Variants in ME2 observed in about 807,000 individuals in gnomAD.
ME2 encodes the protein NAD-dependent malic enzyme, mitochondrial.
A neutral mutation model predicts 73.7 loss-of-function variants in ME2; 60 were observed. The ratio of observed to expected loss-of-function variants is 0.81; its 90% confidence interval spans 0.66 to 1.01. The LOEUF (loss-of-function observed/expected upper bound fraction) is 1.01, where lower values mean the gene tolerates loss of function less well. Ranked by LOEUF, ME2 falls within the 50% of genes least tolerant of loss-of-function variation. ME2 has a pLI of 0.00. For missense variants in ME2, 594 were observed against 705.5 expected (o/e 0.84, Z 1.79); for synonymous variants, 199 against 236.9 (o/e 0.84, Z 1.47).
intron 2 of ME2, among the ~76,000 whole-genome samples, chr18:50,907,847 C>A (rs983604533): frequency 6.6e-6 from 1 of 152,142 alleles, no homozygotes; most frequent in Non-Finnish European, 1.5e-5. Flanking sequence ...CTTCCAAAGG[C>A]CTAAACTAGT....
At chr18:50,881,284 C>T (rs1280796528) in intron 1 of ME2, among the ~76,000 whole-genome samples, 1 of 151,986 alleles carries the variant, frequency 6.6e-6, no homozygotes, top group East Asian at 1.9e-4. Context: ...TGCTCCACCT[C>T]CTTCGGCCTC....
At chr18:50,940,188 T>C in intron 14 of ME2, 100 bp from the exon 15 acceptor site, 1 of 779,748 alleles carries the variant, frequency 1.3e-6, no homozygotes, top group Non-Finnish European at 2.2e-6. Flanking sequence ...GGAATTATAT[T>C]ACCTGTTTTA....
rs949717021 is a variant in ME2, at chr18:50,954,225, T to C, written c.*7041T>C. On this transcript the variant is annotated 3_prime_UTR_variant, in exon 16 of 16. Coordinates refer to ENST00000321341, the MANE Select transcript of ME2 (RefSeq NM_002396.5). The stretch of plus-strand genomic sequence containing the variant: ...TGTTGTAATGAGATGTGTGTTCTTA[T>C]ATTTTCTTAGTAAAATTTTCTTAAG... The C allele has an allele frequency of 3.9e-5, 6 of 152,260 alleles. No homozygotes were observed. The allele number at this position is 152,260 out of a possible 1,614,324, so 9.4% of individuals were successfully genotyped here. A position where few individuals can be genotyped will look rare whatever the true frequency, so the allele number is the denominator to read the frequency against.
At chr18:50,917,001 T>G (rs1917300877) in intron 5 of ME2, 1 of 167,798 alleles carries the variant, frequency 6.0e-6, no homozygotes, top group Non-Finnish European at 1.3e-5. Context: ...TGCTGTTTAT[T>G]TCTAAACTCT....
chr18:50,942,292 C>T (rs1337199756), intron 15 of ME2, among the ~76,000 whole-genome samples: 1 of 152,086 alleles, frequency 6.6e-6, no homozygotes, highest in Non-Finnish European at 1.5e-5. Context: ...TGAATCTGTT[C>T]CTGGGATTTC....
At chr18:50,918,605 G>A (rs190072697) in intron 7 of ME2, among the ~76,000 whole-genome samples, 36 of 151,944 alleles carry the variant, frequency 2.4e-4, no homozygotes, top group African/African-American at 3.9e-4. Context: ...TCTTTGCACC[G>A]TCAACTCAGG....
In ME2 at chr18:50,895,792, T is replaced by G. The variant is rs1389100530; in HGVS notation, c.-12-17T>G. 4 of 1,522,802 alleles carry G rather than the reference T, an allele frequency of 2.6e-6. No individual in the cohort carries two copies. The highest frequency in any genetic ancestry group is 3.6e-6 in the Non-Finnish European group (4 of 1,100,106). The allele number at this position is 1,522,802 out of a possible 1,614,324, so 94.3% of individuals were successfully genotyped here. A position where few individuals can be genotyped will look rare whatever the true frequency, so the allele number is the denominator to read the frequency against. ...ATATGATTCTCTTCAGTGGTTTATT[T>G]GCTTTGTTTTTCTCAGGTGAAAGAA... On this transcript the variant is annotated splice_polypyrimidine_tract_variant and intron_variant, in intron 1 of 15. Transcript: ENST00000321341.
Position 50,917,459 on chromosome 18 carries a change from G to T in ME2, c.581G>T (p.Arg194Leu). 2.5e-6 allele frequency: 4 copies of T among 1,613,156 alleles called. No homozygotes were observed. Among genetic ancestry groups the T allele is most frequent in the Non-Finnish European group, 3.4e-6 (4 of 1,179,334 alleles). The change falls in exon 6 of 16, where the codon CGG becomes CTG. Residue 194 changes from arginine (R) to leucine (L), a missense_variant. Physicochemically the swap from Arg to Leu is moderately radical, Grantham distance 102. Transcript: ENST00000321341. Reference sequence around the variant, plus strand: ...TTGTATACAGCTTGTGCAGGAATACGGCCTGATAGATGCCTGCCAGTGTGT... The same window carrying T: ...TTGTATACAGCTTGTGCAGGAATACTGCCTGATAGATGCCTGCCAGTGTGT... Reference protein sequence around the residue: ...LCLYTACAGIRPDRCLPVCID... With the variant: ...LCLYTACAGILPDRCLPVCID...
intron 12 of ME2, among the ~76,000 whole-genome samples, chr18:50,926,599 T>C (rs1346669708): frequency 2.6e-5 from 4 of 152,222 alleles, no homozygotes; most frequent in Non-Finnish European, 5.9e-5. Context: ...ATCTCTACTT[T>C]GGCCACATTG....
chr18:50,882,574 T>C (rs916523810), intron 1 of ME2, among the ~76,000 whole-genome samples: 2 of 152,128 alleles, frequency 1.3e-5, no homozygotes. Flanking sequence ...AGTAAAAAAC[T>C]GTTATGTGTG....
intron 15 of ME2, among the ~76,000 whole-genome samples, chr18:50,942,253 G>A (rs887444420): frequency 5.3e-5 from 8 of 152,102 alleles, no homozygotes; most frequent in Non-Finnish European, 7.4e-5. Context: ...ATTGATTAAT[G>A]CGTCCGTTGT....
rs1176723130 is a variant in ME2, at chr18:50,917,368, G to T, written c.490G>T (p.Glu164Ter). The change falls in exon 6 of 16, where the codon GAG becomes TAG. Residue 164 changes from glutamate (E) to a stop codon, truncating the protein, a stop_gained. Transcript: ENST00000321341. LOFTEE classifies it high-confidence loss of function. ...HVKAVVVTDG[E>*]RILGLGDLGV... ...TAAGGCTGTTGTAGTGACTGATGGA[G>T]AGAGAATTCTGGGTCTTGGAGATCT... 4 of 1,613,510 alleles carry T rather than the reference G, an allele frequency of 2.5e-6. No homozygotes were observed. Among genetic ancestry groups the T allele is most frequent in the Non-Finnish European group, 3.4e-6 (4 of 1,179,656 alleles).
In ME2 at chr18:50,894,893, T is replaced by A. The variant is rs975542218; in HGVS notation, c.-12-916T>A. On this transcript the variant is annotated intron_variant, in intron 1 of 15. Coordinates refer to ENST00000321341, the MANE Select transcript of ME2 (RefSeq NM_002396.5). ...CTCCATCTCAAAAAAAAAAAAAAAA[T>A]TTTTTTGAAATGCCTCTGAATTGTT... Among the ~76,000 whole-genome samples, 387 of 148,302 alleles carry A rather than the reference T, an allele frequency of 2.6e-3. 5 individuals are homozygous for A. The highest frequency in any genetic ancestry group is 3.5e-3 in the Non-Finnish European group (238 of 67,132).
At chr18:50,921,569 T>C (rs1434903599) in intron 10 of ME2, among the ~76,000 whole-genome samples, 3 of 152,172 alleles carry the variant, frequency 2.0e-5, no homozygotes, top group Non-Finnish European at 2.9e-5. Flanking sequence ...GAAATTCTTT[T>C]AATTTTATTA....
At position 50,952,815 on chromosome 18, in the gene ME2, T is replaced by C. The variant is rs1044964653; in HGVS notation, c.*5631T>C. 2 of 152,220 alleles carry C rather than the reference T, an allele frequency of 1.3e-5. No homozygotes were observed. Among genetic ancestry groups the C allele is most frequent in the South Asian group, 4.1e-4 (2 of 4,836 alleles). The allele number at this position is 152,220 out of a possible 1,614,324, so 9.4% of individuals were successfully genotyped here. On this transcript the variant is annotated 3_prime_UTR_variant, in exon 16 of 16. Coordinates refer to ENST00000321341, the MANE Select transcript of ME2 (RefSeq NM_002396.5). ...TTTGGTATATACAGTGGGCCGATAA[T>C]GACAAACTAAAGTTTGTGGTTAATA...
chr18:50,915,084 C>A (rs573604517), intron 4 of ME2, among the ~76,000 whole-genome samples: 1 of 148,230 alleles, frequency 6.7e-6, no homozygotes, highest in East Asian at 2.0e-4. Flanking sequence ...GACAGGAAGA[C>A]CAACCCCTCC....
chr18:50,900,737 T>C (rs1916869717), intron 2 of ME2, among the ~76,000 whole-genome samples: 1 of 152,154 alleles, frequency 6.6e-6, no homozygotes, highest in African/African-American at 2.4e-5. Context: ...GTTTCCCCCA[T>C]GCTGTTCTTG....
rs997667754 is a variant in ME2, at chr18:50,950,114, A to G, written c.*2930A>G. 1.3e-5 allele frequency: 2 copies of G among 152,266 alleles called. No homozygotes were observed. The highest frequency in any genetic ancestry group is 4.8e-5 in the African/African-American group (2 of 41,470). 9.4% of individuals were successfully genotyped at this position (152,266 alleles called of 1,614,324 possible). A position where few individuals can be genotyped will look rare whatever the true frequency, so the allele number is the denominator to read the frequency against. On this transcript the variant is annotated 3_prime_UTR_variant, in exon 16 of 16. Transcript: ENST00000321341. ...AAAGGTAAGAATACATGTGTTTCTA[A>G]TCTCCCACCACCACCTGTTGTATGG...
At chr18:50,901,065 T>G (rs1442443034) in intron 2 of ME2, among the ~76,000 whole-genome samples, 1 of 152,206 alleles carries the variant, frequency 6.6e-6, no homozygotes, top group East Asian at 1.9e-4. Context: ...TGTGAATAAT[T>G]GTGGATTTGT....
Sources: gnomAD v4.1 joint callset for allele counts (sites outside exome capture counted in the v4.1 genomes callset) on GRCh38, gnomAD v4.1.1 for gene constraint, MANE v1.5 for transcripts, NCBI Gene and HGNC (gene_info 2026-07-23, HGNC 2026-07-21) for gene names.